The following BICRAL variants were observed in gnomAD, a reference collection of about 807,000 sequenced individuals.
The protein encoded by BICRAL is BICRA like chromatin remodeling complex associated protein, also known as BRD4-interacting chromatin-remodeling complex-associated protein-like.
A neutral mutation model predicts 91.8 loss-of-function variants in BICRAL; 8 were observed. That is an observed-to-expected ratio of 0.09 (90% CI 0.05 to 0.16). The LOEUF is 0.16. Ranked by LOEUF, BICRAL falls within the 10% of genes least tolerant of loss-of-function variation. The pLI, the probability that BICRAL is intolerant of heterozygous loss-of-function variation, is 1.00. For synonymous variants in BICRAL, 445 were observed against 491.1 expected, an observed-to-expected ratio of 0.91 and a Z score of 1.24; for missense variants, 1,038 against 1,310.9, an observed-to-expected ratio of 0.79 and a Z score of 3.21.
At chr6:42,824,501 C>G (rs1434213213) in intron 5 of BICRAL, among the ~76,000 whole-genome samples, 3 of 152,156 alleles carry the variant, frequency 2.0e-5, no homozygotes, top group Non-Finnish European at 4.4e-5. Context: ...CCCACCACCA[C>G]ACCAGCTAAT....
chr6:42,747,318 C>A (rs951178436), intron 1 of BICRAL, among the ~76,000 whole-genome samples: 1 of 152,208 alleles, frequency 6.6e-6, no homozygotes, highest in Non-Finnish European at 1.5e-5. Flanking sequence ...CTCTTTAACC[C>A]TGCCCGCCCT....
chr6:42,865,377 C>A lies in BICRAL; in HGVS notation c.3171C>A (p.Asp1057Glu). 1 of 1,613,386 alleles carries A rather than the reference C, an allele frequency of 6.2e-7. No homozygotes were observed. The highest frequency in any genetic ancestry group is 8.5e-7 in the Non-Finnish European group (1 of 1,179,334). Residue 1057 changes from aspartate to glutamate, a missense_variant, in exon 13 of 13, where the codon GAC (aspartate) becomes GAA (glutamate). By Grantham distance (45) the Asp-to-Glu change is conservative. Transcript: ENST00000314073. ...QENCLEKFIP[D>E]HSEGVVETDS... Reference sequence around the variant, plus strand: ...ACTGCCTGGAAAAGTTCATCCCGGACCACAGTGAAGGTGTTGTAGAAACTG... The same window carrying A: ...ACTGCCTGGAAAAGTTCATCCCGGAACACAGTGAAGGTGTTGTAGAAACTG...
At chr6:42,817,178 ATG>A (rs1337828984) in intron 2 of BICRAL, among the ~76,000 whole-genome samples, 3 of 149,504 alleles carry the variant, frequency 2.0e-5, no homozygotes, top group Admixed American at 6.7e-5. Context: ...GTGTGTATAT[ATG>A]TGTGTGTGTG....
At chr6:42,792,172 G>A (rs1255536030) in intron 1 of BICRAL, among the ~76,000 whole-genome samples, 1 of 152,094 alleles carries the variant, frequency 6.6e-6, no homozygotes, top group East Asian at 1.9e-4. Flanking sequence ...GCACTACTGT[G>A]AACTTAATAA....
intron 1 of BICRAL, among the ~76,000 whole-genome samples, chr6:42,794,411 CTGTGTGTGTGTGTGTG>C (rs67384767): frequency 0.46 from 67,020 of 146,394 alleles, 16,335 homozygotes; most frequent in African/African-American, 0.65. Flanking sequence ...TTCACTTACT[CTGTGTGTGTGTGTGTG>C]TGTGTGTGTG....
chr6:42,814,937 G>T (rs1488276656), intron 2 of BICRAL, among the ~76,000 whole-genome samples: 2 of 151,108 alleles, frequency 1.3e-5, no homozygotes, highest in African/African-American at 4.9e-5. Flanking sequence ...TTGAGACAGG[G>T]TCTCACTCTA....
At chr6:42,761,757 C>CA (rs199632387) in intron 1 of BICRAL, among the ~76,000 whole-genome samples, 92 of 150,602 alleles carry the variant, frequency 6.1e-4, no homozygotes, top group Non-Finnish European at 8.7e-4. Flanking sequence ...TAAAAAATAC[C>CA]AAAAAAAATA....
At chr6:42,830,306 C>A in intron 6 of BICRAL, 134 bp downstream of exon 6, 2 of 879,138 alleles carry the variant, frequency 2.3e-6, no homozygotes, top group Non-Finnish European at 3.4e-6. Context: ...TGGCTCATGC[C>A]TGTAATCCCA....
At chr6:42,835,894 C>T (rs974351740) in intron 6 of BICRAL, among the ~76,000 whole-genome samples, 3 of 152,124 alleles carry the variant, frequency 2.0e-5, no homozygotes, top group African/African-American at 7.2e-5. Context: ...GGCACCACTG[C>T]GCTATAGCCT....
intron 11 of BICRAL, 135 bp downstream of exon 11, chr6:42,860,491 G>A (rs879763568): frequency 2.7e-5 from 15 of 560,992 alleles, no homozygotes; most frequent in Middle Eastern, 2.8e-4. Flanking sequence ...AAAAACTTAC[G>A]CTTAGCTGCT....
intron 1 of BICRAL, among the ~76,000 whole-genome samples, chr6:42,783,543 C>G (rs1763003067): frequency 6.6e-6 from 1 of 152,068 alleles, no homozygotes; most frequent in South Asian, 2.1e-4. Flanking sequence ...CGGCGCCCTC[C>G]GAGGACATCT....
At position 42,853,666 on chromosome 6, in the gene BICRAL, C is replaced by A; in HGVS notation, c.1974C>A (p.Ser658=). ...PGQDSGSKVI[S]ASLGTAQPQQ... ...AGGATTCTGGAAGCAAAGTTATATC[C>A]GCATCCTTAGGAACCGCACAACCAC... The change falls in exon 8 of 13, where the codon TCC becomes TCA. Residue 658 remains serine (S), a synonymous_variant. Transcript: ENST00000314073. 6.2e-7 allele frequency: 1 copy of A among 1,613,654 alleles called. No individual in the cohort carries two copies. The highest frequency in any genetic ancestry group is 8.5e-7 in the Non-Finnish European group (1 of 1,179,560).
At chr6:42,769,973 C>A (rs752768343) in intron 1 of BICRAL, among the ~76,000 whole-genome samples, 1 of 152,138 alleles carries the variant, frequency 6.6e-6, no homozygotes, top group Non-Finnish European at 1.5e-5. Flanking sequence ...TCATGACTTG[C>A]ACAGCCTACT....
At chr6:42,833,337 C>T (rs540954336) in intron 6 of BICRAL, among the ~76,000 whole-genome samples, 74 of 152,250 alleles carry the variant, frequency 4.9e-4, no homozygotes, top group African/African-American at 1.7e-3. Flanking sequence ...CGTGAGCCAC[C>T]GCGCCCGGCC....
At chr6:42,808,351 G>A (rs953643766) in intron 1 of BICRAL, among the ~76,000 whole-genome samples, 3 of 151,940 alleles carry the variant, frequency 2.0e-5, no homozygotes, top group East Asian at 1.9e-4. Context: ...GGCTGGTCTC[G>A]AACTCCCGAC....
intron 2 of BICRAL, among the ~76,000 whole-genome samples, chr6:42,817,665 A>C (rs1764030598): frequency 6.6e-6 from 1 of 152,072 alleles, no homozygotes; most frequent in South Asian, 2.1e-4. Flanking sequence ...TGTTTTGTAG[A>C]GATTGGGTCT....
intron 1 of BICRAL, among the ~76,000 whole-genome samples, chr6:42,803,286 C>T (rs906004962): frequency 1.3e-5 from 2 of 152,292 alleles, no homozygotes; most frequent in Admixed American, 6.5e-5. Flanking sequence ...TTCTGTGGAT[C>T]TTTAAAACTT....
chr6:42,821,456 G>A (rs191189517), intron 2 of BICRAL, among the ~76,000 whole-genome samples: 89 of 152,300 alleles, frequency 5.8e-4, no homozygotes, highest in Non-Finnish European at 7.1e-4. Context: ...AAAGGAGAAT[G>A]TGGGACCGGC....
chr6:42,826,226 A>C (rs1309784893), intron 5 of BICRAL, among the ~76,000 whole-genome samples: 1 of 148,534 alleles, frequency 6.7e-6, no homozygotes, highest in African/African-American at 2.5e-5. Flanking sequence ...CTGGAAACTC[A>C]TGTTCTTTTT....
Sources: allele counts gnomAD v4.1 joint callset (sites outside exome capture counted in the v4.1 genomes callset), GRCh38; gene constraint gnomAD v4.1.1; transcripts MANE v1.5; gene names NCBI Gene and HGNC (gene_info 2026-07-23, HGNC 2026-07-21).